The following MACROH2A2 variants were observed in gnomAD, a reference collection of about 807,000 sequenced individuals.
MACROH2A2 encodes core histone macro-H2A.2.
In MACROH2A2, 6 loss-of-function variants were observed where a neutral mutation model predicts 37.6. That is an observed-to-expected ratio of 0.16 (90% confidence interval 0.09 to 0.32). MACROH2A2 has a LOEUF of 0.32. Among genes scored for constraint, MACROH2A2 ranks in the 10% least tolerant of loss-of-function variants. The pLI, the probability that MACROH2A2 is intolerant of heterozygous loss-of-function variation, is 1.00. For synonymous variants in MACROH2A2, 192 were observed against 202.7 expected (o/e 0.95, Z 0.45); for missense variants, 290 against 485.9 (o/e 0.60, Z 3.79).
chr10:70,093,665 G>T, intron 4 of MACROH2A2, 70 bp from the exon 5 acceptor site: 1 of 780,468 alleles, frequency 1.3e-6, no homozygotes, highest in South Asian at 1.5e-5. Flanking sequence ...GCCGTGAGAA[G>T]AGCTTAATAA....
intron 2 of MACROH2A2, among the ~76,000 whole-genome samples, chr10:70,078,256 G>A (rs1002210626): frequency 8.5e-5 from 13 of 152,228 alleles, no homozygotes; most frequent in African/African-American, 2.9e-4. Flanking sequence ...CAGAGTTCCC[G>A]CAATAGAATT....
At chr10:70,076,803 T>C (rs1288914361) in intron 2 of MACROH2A2, among the ~76,000 whole-genome samples, 4 of 151,998 alleles carry the variant, frequency 2.6e-5, no homozygotes, top group African/African-American at 7.3e-5. Context: ...GCAGGGCTGG[T>C]CCTCTCTTCT....
chr10:70,096,151 A>G (rs2072275307), intron 6 of MACROH2A2, among the ~76,000 whole-genome samples: 1 of 152,144 alleles, frequency 6.6e-6, no homozygotes, highest in African/African-American at 2.4e-5. Context: ...GATGGGTTTC[A>G]TCTGTCTTGA....
At chr10:70,054,127 A>G (rs2071997460) in intron 1 of MACROH2A2, among the ~76,000 whole-genome samples, 1 of 152,242 alleles carries the variant, frequency 6.6e-6, no homozygotes, top group African/African-American at 2.4e-5. Flanking sequence ...CCAAGGGCCA[A>G]ACGAGCTTCC....
At chr10:70,074,051 T>A (rs1016567000) in intron 1 of MACROH2A2, among the ~76,000 whole-genome samples, 2 of 152,214 alleles carry the variant, frequency 1.3e-5, no homozygotes, top group African/African-American at 4.8e-5. Context: ...TTTTCTTTGC[T>A]CCTGACCGTT....
At chr10:70,082,190 C>T (rs918816890) in intron 2 of MACROH2A2, among the ~76,000 whole-genome samples, 3 of 152,082 alleles carry the variant, frequency 2.0e-5, no homozygotes, top group Admixed American at 1.3e-4. Flanking sequence ...GAGGCCGAGG[C>T]GGGCGGATCA....
chr10:70,077,368 G>C (rs1478437195), intron 2 of MACROH2A2, among the ~76,000 whole-genome samples: 1 of 151,988 alleles, frequency 6.6e-6, no homozygotes, highest in Non-Finnish European at 1.5e-5. Context: ...AGGAGTTCGA[G>C]ACCAGCCTGG....
chr10:70,053,401 C>T lies in MACROH2A2; in HGVS notation c.-60+401C>T, dbSNP rs925479087. Among the ~76,000 whole-genome samples the T allele has an allele frequency of 6.6e-6, 1 of 151,914 alleles. No individual in the cohort carries two copies. The highest frequency in any genetic ancestry group is 2.4e-5 in the African/African-American group (1 of 41,396). On this transcript the variant is annotated intron_variant, in intron 1 of 8. Transcript: ENST00000373255. This position sits in a 1 kb window ranked among gnomAD's most constrained non-coding sequence, Gnocchi z 4.8. ...GGAGCGGGAGGACGGAGGCGCCCGG[C>T]CGCCGATGGGCACGGGGCGATGGGT...
chr10:70,062,693 A>G (rs1380909059), intron 1 of MACROH2A2, among the ~76,000 whole-genome samples: 2 of 152,196 alleles, frequency 1.3e-5, no homozygotes, highest in Non-Finnish European at 2.9e-5. Flanking sequence ...GCCTATAATT[A>G]TAGCTCCCAA....
In MACROH2A2 at chr10:70,056,248, GTTTGT is replaced by G. The variant is rs145502561; in HGVS notation, c.-60+3265_-60+3269del. Among the ~76,000 whole-genome samples, 13 of 151,920 alleles carry G rather than the reference GTTTGT, an allele frequency of 8.6e-5. 1 individual carries two copies. Among genetic ancestry groups the G allele is most frequent in the Non-Finnish European group, 1.5e-4 (10 of 67,942 alleles). On this transcript the variant is annotated intron_variant, in intron 1 of 8. Coordinates refer to ENST00000373255, the MANE Select transcript of MACROH2A2 (RefSeq NM_018649.3). Reference sequence around the variant, plus strand: ...TGAAGTTCTGTAATTTGTTTTTTTTGTTTGTTTTGTTTTGTTTTGTTGAGATGGAG... The same window carrying G: ...TGAAGTTCTGTAATTTGTTTTTTTTGTTTGTTTTGTTTTGTTGAGATGGAG...
At chr10:70,065,050 A>C (rs2072071506) in intron 1 of MACROH2A2, among the ~76,000 whole-genome samples, 1 of 145,782 alleles carries the variant, frequency 6.9e-6, no homozygotes, top group Admixed American at 7.0e-5. Context: ...TTTTTTTGAG[A>C]CAGAGTCTCA....
intron 8 of MACROH2A2, 142 bp downstream of exon 8, chr10:70,109,349 G>A (rs1008201370): frequency 1.7e-5 from 12 of 699,162 alleles, no homozygotes; most frequent in South Asian, 3.6e-5. Flanking sequence ...CAGGAAACCC[G>A]GTTTTCATCC....
intron 1 of MACROH2A2, among the ~76,000 whole-genome samples, chr10:70,071,970 A>C (rs1316223879): frequency 1.3e-5 from 2 of 152,216 alleles, no homozygotes; most frequent in East Asian, 1.9e-4. Flanking sequence ...CACTACATTT[A>C]AAAGAGAATA....
At position 70,053,746 on chromosome 10, in the gene MACROH2A2, CGCGCGCT is replaced by C. The variant is rs1177193055; in HGVS notation, c.-60+751_-60+757del. Among the ~76,000 whole-genome samples, 1 of 151,900 alleles carries C rather than the reference CGCGCGCT, an allele frequency of 6.6e-6. No individual in the cohort carries two copies. The highest frequency in any genetic ancestry group is 1.5e-5 in the Non-Finnish European group (1 of 67,932). ...CCCTTTCCGGGGCGCCCGGTGCCGA[CGCGCGCT>C]GCGCTTTCACCGGGAAATGGCGGCC... On this transcript the variant is annotated intron_variant, in intron 1 of 8. Transcript: ENST00000373255. The surrounding 1 kb of genome is among the most constrained non-coding windows in gnomAD (Gnocchi z 4.8).
In MACROH2A2 at chr10:70,093,722, T is replaced by C; in HGVS notation, c.478-13T>C. On this transcript the variant is annotated splice_polypyrimidine_tract_variant and intron_variant, in intron 4 of 8. Transcript: ENST00000373255. ...GATTGGTTCTCATCTTGCCTTTTGA[T>C]TTTTACCGACAGTCCAAACCAAAGG... The C allele has an allele frequency of 6.6e-7, 1 of 1,515,132 alleles. No homozygotes were observed. Among genetic ancestry groups the C allele is most frequent in the South Asian group, 1.1e-5 (1 of 88,774 alleles). The allele number at this position is 1,515,132 out of a possible 1,614,324, so 93.9% of individuals were successfully genotyped here.
At chr10:70,100,719 C>T (rs1373698461) in intron 7 of MACROH2A2, among the ~76,000 whole-genome samples, 2 of 149,364 alleles carry the variant, frequency 1.3e-5, no homozygotes, top group Admixed American at 6.8e-5. Flanking sequence ...CAAGTTCAAA[C>T]GATTCTTGTG....
chr10:70,106,011 G>A (rs2072335594), intron 7 of MACROH2A2, among the ~76,000 whole-genome samples: 1 of 152,156 alleles, frequency 6.6e-6, no homozygotes, highest in African/African-American at 2.4e-5. Flanking sequence ...AGACACGCAG[G>A]AAGAAGAGAG....
chr10:70,106,074 A>C (rs1021998386), intron 7 of MACROH2A2, among the ~76,000 whole-genome samples: 2 of 152,144 alleles, frequency 1.3e-5, no homozygotes, highest in African/African-American at 4.8e-5. Context: ...GTGTCACGGA[A>C]ACCAGGCATC....
chr10:70,110,444 C>T (rs991219445), intron 8 of MACROH2A2, among the ~76,000 whole-genome samples: 1 of 152,158 alleles, frequency 6.6e-6, no homozygotes, highest in Admixed American at 6.5e-5. Context: ...TACATTTTTG[C>T]CCTTTACTAA....
Sources: allele counts gnomAD v4.1 joint callset (sites outside exome capture counted in the v4.1 genomes callset), GRCh38; gene constraint gnomAD v4.1.1; non-coding constraint Gnocchi (gnomAD v3.1); transcripts MANE v1.5; gene names NCBI Gene and HGNC (gene_info 2026-07-23, HGNC 2026-07-21).